The following TTC3 variants were observed in gnomAD, a reference collection of about 807,000 sequenced individuals.
TTC3 encodes the protein tetratricopeptide repeat domain 3.
Under a neutral mutation model 249.6 loss-of-function variants are expected in TTC3, and 180 were observed. That is an observed-to-expected ratio of 0.72 (90% CI 0.64 to 0.82). The LOEUF (loss-of-function observed/expected upper bound fraction) is 0.82, where lower values mean the gene tolerates loss of function less well. TTC3 is among the 40% of genes least tolerant of loss of function. The pLI is 0.00. For synonymous variants in TTC3, 717 were observed against 805.0 expected (o/e 0.89, Z 1.85); for missense variants, 2,061 against 2,398.4 (o/e 0.86, Z 2.94).
chr21:37,096,698 T>G (rs1225258305), intron 10 of TTC3, 55 bp downstream of exon 10: 6 of 1,364,030 alleles, frequency 4.4e-6, no homozygotes, highest in Non-Finnish European at 6.2e-6. Flanking sequence ...TACCCATTTT[T>G]GGGAAACGTT....
intron 6 of TTC3, 179 bp downstream of exon 6, chr21:37,090,465 C>CT: frequency 1.6e-6 from 1 of 636,258 alleles, no homozygotes; most frequent in Non-Finnish European, 1.9e-6. Flanking sequence ...ATCATTTTCT[C>CT]TCTTTTTTTT....
intron 1 of TTC3, chr21:37,085,988 G>A (rs2072416680): frequency 6.6e-6 from 1 of 152,240 alleles, no homozygotes; most frequent in South Asian, 2.1e-4. Flanking sequence ...CATCTGTACA[G>A]TGGAGATAAC....
At chr21:37,185,566 TAAAAATGAAACAAAATGTA>T (rs2083166024) in intron 36 of TTC3, 121 bp from the exon 37 acceptor site, 1 of 461,090 alleles carries the variant, frequency 2.2e-6, no homozygotes, top group African/African-American at 2.1e-5. Context: ...TAGAAGATAC[TAAAAATGAAACAAAATGTA>T]AAAATATATA....
intron 28 of TTC3, chr21:37,157,172 GCAT>G: frequency 7.2e-7 from 1 of 1,380,830 alleles, no homozygotes; most frequent in Non-Finnish European, 9.6e-7. Context: ...TATTTTCACA[GCAT>G]CATGGGAAAG....
chr21:37,167,557 A>T, exon 34 of TTC3: 2 of 1,607,032 alleles, frequency 1.2e-6, no homozygotes, highest in Non-Finnish European at 1.7e-6. Flanking sequence ...GCCCACAGGT[A>T]TCTTGGAACA....
intron 23 of TTC3, among the ~76,000 whole-genome samples, chr21:37,149,040 G>C (rs1179186066): frequency 6.6e-6 from 1 of 152,176 alleles, no homozygotes. Flanking sequence ...AAAATTTGAT[G>C]AGGTAATTTG....
intron 6 of TTC3, 175 bp downstream of exon 6, chr21:37,090,461 TTCTC>T (rs1568878314): frequency 3.1e-6 from 2 of 652,008 alleles, no homozygotes. Context: ...TTGGATCATT[TTCTC>T]TCTTTTTTTT....
chr21:37,100,001 T>C lies in TTC3; in HGVS notation c.845+3358T>C, dbSNP rs189446703. 1.0e-4 allele frequency among the ~76,000 whole-genome samples: 16 copies of C among 152,388 alleles called. No individual in the cohort carries two copies. The East Asian group carries it at 2.9e-3, about 28-fold the overall frequency. On this transcript the variant is annotated intron_variant, in intron 10 of 45. Transcript: ENST00000355666. ...AAGTCACAGAATGATTTGTACACTG[T>C]GATGCCATTTATTAATGTTTAAAAA...
In TTC3 at chr21:37,183,910, A is replaced by G. The variant is rs1344998596; in HGVS notation, c.4757+997A>G. ...TGGTCCAGATTCAAGGGCATGAATA[A>G]TGGGAGGCTGGGTTCACTGGGGGGC... On this transcript the variant is annotated intron_variant, in intron 36 of 45. Coordinates refer to ENST00000355666, the Ensembl canonical transcript of TTC3. Among the ~76,000 whole-genome samples, 5 of 152,154 alleles carry G rather than the reference A, an allele frequency of 3.3e-5. No individual in the cohort carries two copies. The East Asian group carries it at 9.6e-4, about 29-fold the overall frequency.
intron 16 of TTC3, among the ~76,000 whole-genome samples, chr21:37,129,712 G>C (rs2154537): frequency 0.54 from 82,733 of 151,972 alleles, 23,114 homozygotes; most frequent in African/African-American, 0.65. Context: ...CTCACTGCAG[G>C]CTTGAACTCC....
chr21:37,155,005 A>G (rs1430586022), intron 27 of TTC3, among the ~76,000 whole-genome samples: 1 of 152,182 alleles, frequency 6.6e-6, no homozygotes, highest in East Asian at 1.9e-4. Context: ...GATATAATCC[A>G]TGTTTATTCT....
intron 30 of TTC3, among the ~76,000 whole-genome samples, chr21:37,161,288 A>G (rs1442297239): frequency 2.0e-5 from 3 of 151,970 alleles, no homozygotes; most frequent in Non-Finnish European, 4.4e-5. Flanking sequence ...TTTTATTTTT[A>G]TTTTTGAGAC....
At chr21:37,127,787 C>T (rs1169331200) in intron 15 of TTC3, among the ~76,000 whole-genome samples, 1 of 152,152 alleles carries the variant, frequency 6.6e-6, no homozygotes, top group African/African-American at 2.4e-5. Flanking sequence ...CGCTCAGGCT[C>T]AGTTAGTTCC....
At chr21:37,187,217 G>A in intron 38 of TTC3, 72 bp downstream of exon 38, 2 of 1,105,756 alleles carry the variant, frequency 1.8e-6, no homozygotes, top group Non-Finnish European at 2.6e-6. Flanking sequence ...TGACATATGA[G>A]GCATAACAGA....
intron 34 of TTC3, among the ~76,000 whole-genome samples, chr21:37,170,927 G>A (rs1049737572): frequency 1.8e-4 from 27 of 152,138 alleles, no homozygotes; most frequent in African/African-American, 6.5e-4. Flanking sequence ...TAAAAGATGG[G>A]ATCACAGCAT....
intron 20 of TTC3, among the ~76,000 whole-genome samples, chr21:37,142,585 T>C (rs1241599724): frequency 6.6e-6 from 1 of 151,992 alleles, no homozygotes; most frequent in African/African-American, 2.4e-5. Context: ...CACTGCTCAA[T>C]GAAATAAAAG....
At chr21:37,155,200 A>ATCT (rs1349040514) in intron 27 of TTC3, among the ~76,000 whole-genome samples, 15 of 59,462 alleles carry the variant, frequency 2.5e-4, no homozygotes, top group Admixed American at 2.3e-3. Flanking sequence ...ATTTTCTTCA[A>ATCT]TAAAACGACT....
In TTC3 at chr21:37,097,305, A is replaced by G. The variant is rs1334398153; in HGVS notation, c.845+662A>G. Among the ~76,000 whole-genome samples, 8 of 152,304 alleles carry G rather than the reference A, an allele frequency of 5.3e-5. No homozygotes were observed. The East Asian group carries it at 1.5e-3, about 29-fold the overall frequency. On this transcript the variant is annotated intron_variant, in intron 10 of 45. Coordinates refer to ENST00000355666, the Ensembl canonical transcript of TTC3. ...AAAATTTTTAGAACATAAATTATAT[A>G]TATTGAGCATTAATATTGAGCAGGT... is the stretch of plus-strand genomic sequence containing the variant.
At chr21:37,170,260 A>G (rs978803107) in intron 34 of TTC3, among the ~76,000 whole-genome samples, 1 of 152,252 alleles carries the variant, frequency 6.6e-6, no homozygotes, top group Non-Finnish European at 1.5e-5. Context: ...CCTTAACAAC[A>G]AAGTTTCTAT....
Sources: gnomAD v4.1 joint callset for allele counts (sites outside exome capture counted in the v4.1 genomes callset) on GRCh38, gnomAD v4.1.1 for gene constraint, MANE v1.5 for transcripts, NCBI Gene and HGNC (gene_info 2026-07-23, HGNC 2026-07-21) for gene names.